Variants in VDAC1 observed in about 807,000 individuals in gnomAD.
The protein encoded by VDAC1 is voltage dependent anion channel 1.
VDAC1 carries 10 observed loss-of-function variants against 34.7 expected under a neutral mutation model. The ratio of observed to expected loss-of-function variants is 0.29; its 90% confidence interval spans 0.18 to 0.49. VDAC1 has a LOEUF of 0.49. Among genes scored for constraint, VDAC1 ranks in the 20% least tolerant of loss-of-function variants. VDAC1 has a pLI of 0.99. For synonymous variants in VDAC1, 130 were observed against 136.0 expected (o/e 0.96, Z 0.30); for missense variants, 230 against 347.9 (o/e 0.66, Z 2.69).
intron 1 of VDAC1, among the ~76,000 whole-genome samples, chr5:134,002,965 C>CAA (rs35606324): frequency 0.16 from 23,323 of 145,982 alleles, 2,017 homozygotes; most frequent in East Asian, 0.32. Context: ...GACCCTGTCT[C>CAA]AAAAAAAAAA....
At chr5:134,040,726 C>G in the VDAC1 span, among the ~76,000 whole-genome samples, 44 of 152,296 alleles carry the variant, frequency 2.9e-4, 1 homozygote, top group African/African-American at 1.0e-3. Context: ...GATTCTGTCT[C>G]AAATATAAAA....
At chr5:134,017,649 C>T in the VDAC1 span, among the ~76,000 whole-genome samples, 22,822 of 152,170 alleles carry the variant, frequency 0.15, 1,884 homozygotes, top group East Asian at 0.32. Flanking sequence ...CATGGTGGCT[C>T]ACGCTTGTAA....
chr5:134,066,221 C>G, the VDAC1 span, among the ~76,000 whole-genome samples: 2 of 152,124 alleles, frequency 1.3e-5, no homozygotes, highest in Admixed American at 1.3e-4. Flanking sequence ...CCAGGCTGGT[C>G]TCAAACTCCT....
chr5:134,096,608 T>TTTA, the VDAC1 span, among the ~76,000 whole-genome samples: 5 of 151,366 alleles, frequency 3.3e-5, no homozygotes, highest in Non-Finnish European at 7.4e-5. Context: ...CTCTTCTTCT[T>TTTA]TTTTTTATTT....
At chr5:134,040,856 T>A in the VDAC1 span, among the ~76,000 whole-genome samples, 1 of 152,198 alleles carries the variant, frequency 6.6e-6, no homozygotes, top group Admixed American at 6.5e-5. Context: ...AGGAAGTCAG[T>A]TCTCCCTGAA....
intron 1 of VDAC1, among the ~76,000 whole-genome samples, chr5:133,998,656 C>T (rs1307141856): frequency 2.0e-5 from 3 of 152,226 alleles, no homozygotes; most frequent in African/African-American, 7.2e-5. Context: ...AGTGTCCATA[C>T]AGATTGCAAG....
chr5:134,086,765 AGAG>A, the VDAC1 span, among the ~76,000 whole-genome samples: 1 of 152,000 alleles, frequency 6.6e-6, no homozygotes. Flanking sequence ...CAGGCAGCAC[AGAG>A]GAGAATTTCA....
the VDAC1 span, among the ~76,000 whole-genome samples, chr5:134,099,369 T>A: frequency 6.6e-6 from 1 of 152,132 alleles, no homozygotes; most frequent in Admixed American, 6.5e-5. Flanking sequence ...AAAGGTGCCG[T>A]TTGGGGATGC....
At chr5:134,065,604 A>C in the VDAC1 span, among the ~76,000 whole-genome samples, 27 of 151,718 alleles carry the variant, frequency 1.8e-4, no homozygotes, top group African/African-American at 5.8e-4. Flanking sequence ...GCCTCTCAAA[A>C]TGCTGGAATT....
At chr5:134,064,949 A>T in the VDAC1 span, among the ~76,000 whole-genome samples, 27 of 151,968 alleles carry the variant, frequency 1.8e-4, no homozygotes, top group African/African-American at 6.0e-4. Context: ...TGAACTTGTG[A>T]GCTCAAGCAA....
At chr5:134,104,133 A>G in the VDAC1 span, among the ~76,000 whole-genome samples, 1 of 152,186 alleles carries the variant, frequency 6.6e-6, no homozygotes, top group South Asian at 2.1e-4. Context: ...CCCCGCCCCA[A>G]CCAAGGGGCT....
the VDAC1 span, among the ~76,000 whole-genome samples, chr5:134,028,417 G>A: frequency 1.3e-5 from 2 of 152,342 alleles, no homozygotes; most frequent in South Asian, 4.1e-4. Context: ...ACAGGTGTGA[G>A]CCACTGCACC....
At chr5:134,004,217 C>G (rs1033102031) in intron 1 of VDAC1, among the ~76,000 whole-genome samples, 1 of 152,018 alleles carries the variant, frequency 6.6e-6, no homozygotes, top group Non-Finnish European at 1.5e-5. Flanking sequence ...CCGGCACCCG[C>G]CCGCTGGCCT....
chr5:134,095,630 A>G, the VDAC1 span, among the ~76,000 whole-genome samples: 1 of 151,984 alleles, frequency 6.6e-6, no homozygotes. Flanking sequence ...GCCTTCCTCT[A>G]TACCTAACGT....
chr5:134,071,121 C>T, the VDAC1 span, among the ~76,000 whole-genome samples: 2 of 152,208 alleles, frequency 1.3e-5, no homozygotes, highest in East Asian at 3.9e-4. The surrounding 1 kb of genome is among the most constrained non-coding windows in gnomAD (Gnocchi z 4.1). Flanking sequence ...ACACCTCGAC[C>T]CCGCGACCCC....
the VDAC1 span, among the ~76,000 whole-genome samples, chr5:134,068,129 C>T: frequency 6.6e-6 from 1 of 151,920 alleles, no homozygotes; most frequent in Non-Finnish European, 1.5e-5. Flanking sequence ...AAAAAAAATA[C>T]AAAACAAAAA....
At chr5:134,033,104 A>G in the VDAC1 span, among the ~76,000 whole-genome samples, 1 of 151,808 alleles carries the variant, frequency 6.6e-6, no homozygotes, top group Admixed American at 6.6e-5. Context: ...GGAAAAAGAG[A>G]AAGAAAATAT....
the VDAC1 span, among the ~76,000 whole-genome samples, chr5:134,043,827 C>G: frequency 6.6e-6 from 1 of 152,308 alleles, no homozygotes; most frequent in East Asian, 1.9e-4. Flanking sequence ...GCCACCGCGC[C>G]CAGCCTAGGT....
At chr5:134,051,424 G>A in the VDAC1 span, among the ~76,000 whole-genome samples, 1 of 152,206 alleles carries the variant, frequency 6.6e-6, no homozygotes, top group Admixed American at 6.5e-5. Context: ...CTGCTACAGA[G>A]TCACTTGCAT....
Sources: allele counts gnomAD v4.1 joint callset (sites outside exome capture counted in the v4.1 genomes callset), GRCh38; gene constraint gnomAD v4.1.1; non-coding constraint Gnocchi (gnomAD v3.1); transcripts MANE v1.5; gene names NCBI Gene and HGNC (gene_info 2026-07-23, HGNC 2026-07-21).